Variants in PCDHA5 observed in about 807,000 individuals in gnomAD.
PCDHA5 encodes protocadherin alpha 5, also known as protocadherin alpha-5.
Under a neutral mutation model 61.6 loss-of-function variants are expected in PCDHA5, and 43 were observed. The observed-to-expected ratio is 0.70, with a 90% CI of 0.55 to 0.90. The LOEUF (loss-of-function observed/expected upper bound fraction) is 0.90, where lower values mean the gene tolerates loss of function less well. Among genes scored for constraint, PCDHA5 ranks in the 40% least tolerant of loss-of-function variants. The probability of loss-of-function intolerance (pLI) is 0.00; values close to 1 mark genes in which losing one functional copy is unlikely to be tolerated. For synonymous variants in PCDHA5, 627 were observed against 543.9 expected (o/e 1.15, Z -2.13); for missense variants, 1,298 against 1,222.7 (o/e 1.06, Z -0.92).
Position 140,829,888 on chromosome 5 carries a change from C to G in PCDHA5, c.2352+5761C>G, listed in dbSNP as rs150204488. 7.0e-4 allele frequency: 1,137 copies of G among 1,613,910 alleles called. 4 individuals carry two copies. In the African/African-American group the frequency reaches 7.9e-3, roughly 11 times the overall value. On this transcript the variant is annotated intron_variant, in intron 1 of 3. Transcript: ENST00000529859. ...TGGCGAAGGTGCGCGCAGTTGACGCCGACTCAGGCTACAACGCGTGGCTTT... is the reference window on the plus strand; with the variant it reads ...TGGCGAAGGTGCGCGCAGTTGACGCGGACTCAGGCTACAACGCGTGGCTTT...
At chr5:140,850,206 A>T in intron 1 of PCDHA5, 1 of 1,592,626 alleles carries the variant, frequency 6.3e-7, no homozygotes, top group South Asian at 1.1e-5. Flanking sequence ...ACCTCGGATG[A>T]GGGGCACTGA....
rs181372488 is a variant in PCDHA5, at chr5:140,858,049, G to A, written c.2352+33922G>A. 14,822 of 1,597,442 alleles carry A rather than the reference G, an allele frequency of 9.3e-3. 1,340 individuals carry two copies. Among genetic ancestry groups the A allele is most frequent in the Non-Finnish European group, 0.012 (13,697 of 1,167,420 alleles). On this transcript the variant is annotated intron_variant, in intron 1 of 3. Transcript: ENST00000529859. Reference sequence around the variant, plus strand: ...CGGCCACGGCCACTGTGCTTGTGTCGCTTGTGGAGGGCAGCCAGGCACCCA... The same window carrying A: ...CGGCCACGGCCACTGTGCTTGTGTCACTTGTGGAGGGCAGCCAGGCACCCA...
intron 1 of PCDHA5, among the ~76,000 whole-genome samples, chr5:140,900,355 G>A (rs555553636): frequency 1.4e-4 from 21 of 152,070 alleles, no homozygotes; most frequent in East Asian, 3.9e-4. Flanking sequence ...TTGGCTCACC[G>A]CAACCTCTGC....
chr5:140,966,930 G>A (rs1554228913), intron 1 of PCDHA5: 1 of 1,603,704 alleles, frequency 6.2e-7, no homozygotes, highest in Middle Eastern at 1.7e-4. Flanking sequence ...CAGGCACCCG[G>A]CGCGCTCGTG....
At chr5:140,874,713 T>C (rs976044407) in intron 1 of PCDHA5, among the ~76,000 whole-genome samples, 2 of 152,248 alleles carry the variant, frequency 1.3e-5, no homozygotes, top group Non-Finnish European at 1.5e-5. Context: ...AGAGCAGTTA[T>C]GTGAAAAGTT....
intron 1 of PCDHA5, chr5:140,853,641 A>G (rs1211855290): frequency 1.0e-6 from 1 of 988,686 alleles, no homozygotes; most frequent in East Asian, 1.1e-4. Context: ...ACAGACCTAA[A>G]TTGAGCCTGT....
intron 3 of PCDHA5, among the ~76,000 whole-genome samples, chr5:141,006,960 G>A (rs1183082923): frequency 6.6e-6 from 1 of 152,184 alleles, no homozygotes; most frequent in Non-Finnish European, 1.5e-5. Flanking sequence ...TTATACATGA[G>A]ATTGGAGCAC....
At position 140,824,003 on chromosome 5, in the gene PCDHA5, C is replaced by T; in HGVS notation, c.2228C>T (p.Ala743Val). 6.2e-7 allele frequency: 1 copy of T among 1,614,094 alleles called. No homozygotes were observed. The highest frequency in any genetic ancestry group is 1.3e-5 in the African/African-American group (1 of 75,038). Residue 743 changes from alanine (A) to valine (V), a missense_variant, in exon 1 of 4, where the codon GCG (alanine) becomes GTG (valine). Transcript: ENST00000529859. ...RGKPTLLCSS[A>V]VGSWSYSQQR... ...AAGCCCACTCTGTTGTGCTCCAGCG[C>T]GGTGGGGAGCTGGTCGTACTCGCAG...
chr5:140,942,132 TG>T (rs1554214846), intron 1 of PCDHA5, among the ~76,000 whole-genome samples: 1 of 152,250 alleles, frequency 6.6e-6, no homozygotes, highest in African/African-American at 2.4e-5. Flanking sequence ...GTGATATTTG[TG>T]GCTTTACTTG....
intron 1 of PCDHA5, among the ~76,000 whole-genome samples, chr5:140,910,519 G>T (rs187918127): frequency 4.6e-5 from 7 of 152,218 alleles, no homozygotes; most frequent in African/African-American, 4.8e-5. Flanking sequence ...AAGGATGCAG[G>T]TACTCCCCTC....
At chr5:140,978,420 G>A (rs1489182751) in intron 1 of PCDHA5, among the ~76,000 whole-genome samples, 3 of 152,220 alleles carry the variant, frequency 2.0e-5, no homozygotes, top group African/African-American at 7.2e-5. Flanking sequence ...AAAAGAGACT[G>A]TTATCAGTTG....
At position 140,822,298 on chromosome 5, in the gene PCDHA5, G is replaced by C. The variant is rs2150115321; in HGVS notation, c.523G>C (p.Glu175Gln). 6.2e-7 allele frequency: 1 copy of C among 1,614,222 alleles called. No individual in the cohort carries two copies. The highest frequency in any genetic ancestry group is 1.1e-5 in the South Asian group (1 of 91,086). Residue 175 changes from glutamate to glutamine, a missense_variant, in exon 1 of 4, where the codon GAA becomes CAA. Coordinates refer to ENST00000529859, the MANE Select transcript of PCDHA5 (RefSeq NM_018908.3). Reference sequence around the variant, plus strand: ...ATTGAGATACAGGTTAAATCCAAACGAATATTTTGACTTAGATGTTAAAAC... The same window carrying C: ...ATTGAGATACAGGTTAAATCCAAACCAATATTTTGACTTAGATGTTAAAAC... ...AQLRYRLNPN[E>Q]YFDLDVKTNE...
chr5:140,979,048 C>T, intron 2 of PCDHA5, 41 bp downstream of exon 2: 2 of 1,611,774 alleles, frequency 1.2e-6, no homozygotes, highest in East Asian at 2.2e-5. Context: ...GTAACCTTAA[C>T]TTGGTATGGC....
chr5:140,953,093 A>T (rs2153698233), intron 1 of PCDHA5, among the ~76,000 whole-genome samples: 1 of 152,346 alleles, frequency 6.6e-6, no homozygotes, highest in East Asian at 1.9e-4. Flanking sequence ...TTACAATTTG[A>T]CATGAGATTT....
chr5:140,983,009 G>C (rs1272086703), intron 3 of PCDHA5, among the ~76,000 whole-genome samples: 2 of 151,884 alleles, frequency 1.3e-5, no homozygotes, highest in Non-Finnish European at 2.9e-5. Flanking sequence ...AAAGAAAAAG[G>C]AAGGAAGGAA....
intron 1 of PCDHA5, among the ~76,000 whole-genome samples, chr5:140,959,868 C>A (rs532801353): frequency 8.5e-5 from 13 of 152,248 alleles, no homozygotes; most frequent in African/African-American, 2.9e-4. Flanking sequence ...GTAGCAAAAT[C>A]TGTCAAGGAA....
At chr5:140,894,973 C>G (rs1297295605) in intron 1 of PCDHA5, among the ~76,000 whole-genome samples, 1 of 152,076 alleles carries the variant, frequency 6.6e-6, no homozygotes, top group Non-Finnish European at 1.5e-5. Context: ...TTTTTAATGT[C>G]TTACTTTGTG....
At chr5:140,852,693 C>G in intron 1 of PCDHA5, 2 of 973,482 alleles carry the variant, frequency 2.1e-6, no homozygotes, top group Non-Finnish European at 2.5e-6. Flanking sequence ...TAGTCTTATA[C>G]TTTCAAGTAT....
chr5:140,843,735 G>T (rs1554140393), intron 1 of PCDHA5: 1 of 1,548,324 alleles, frequency 6.5e-7, no homozygotes, highest in African/African-American at 1.4e-5. Context: ...TTTAAATTTA[G>T]AACTCATAAA....
Sources: allele counts gnomAD v4.1 joint callset (sites outside exome capture counted in the v4.1 genomes callset), GRCh38; gene constraint gnomAD v4.1.1; transcripts MANE v1.5; gene names NCBI Gene and HGNC (gene_info 2026-07-23, HGNC 2026-07-21).